HAVCR1: variants seen among roughly 807,000 people sequenced by gnomAD.
The protein encoded by HAVCR1 is T cell immunoglobin domain and mucin domain protein 1.
A neutral mutation model predicts 32.0 loss-of-function variants in HAVCR1; 34 were observed. That is an observed-to-expected ratio of 1.06 (90% CI 0.81 to 1.42). The LOEUF (loss-of-function observed/expected upper bound fraction) is 1.42. HAVCR1 is among the 40% of genes most tolerant of loss of function. The pLI, the probability that HAVCR1 is intolerant of heterozygous loss-of-function variation, is 0.00. For synonymous variants in HAVCR1, 178 were observed against 170.3 expected (o/e 1.05, Z -0.35); for missense variants, 420 against 442.3 (o/e 0.95, Z 0.45).
At chr5:157,058,436 G>T (rs564533001) in intron 1 of HAVCR1, 2 of 154,142 alleles carry the variant, frequency 1.3e-5, no homozygotes, top group Non-Finnish European at 2.9e-5. Context: ...GGTCACTGGC[G>T]CCTGTAGTCC....
In HAVCR1 at chr5:157,058,968, T is replaced by C. The variant is rs141453594; in HGVS notation, c.-60A>G. On this transcript the variant is annotated 5_prime_UTR_variant, in exon 1 of 9. Coordinates refer to ENST00000523175, the MANE Select transcript of HAVCR1 (RefSeq NM_001173393.3). The stretch of plus-strand genomic sequence containing the variant: ...TCACAATGCTGGGTAACCCTGAGAG[T>C]TCCTGAGTTCTCTTCAAACCTCTAT... The C allele has an allele frequency of 1.3e-5, 2 of 152,132 alleles. No homozygotes were observed. The highest frequency in any genetic ancestry group is 3.9e-4 in the East Asian group (2 of 5,180). 9.4% of individuals were successfully genotyped at this position (152,132 alleles called of 1,614,324 possible).
At chr5:157,058,781 T>C (rs1161710403) in intron 1 of HAVCR1, 140 bp downstream of exon 1, 1 of 152,234 alleles carries the variant, frequency 6.6e-6, no homozygotes, top group Non-Finnish European at 1.5e-5. Context: ...AAGTTTGCCA[T>C]TAGCAAGAGA....
chr5:157,065,170 T>C, the HAVCR1 span, among the ~76,000 whole-genome samples: 1 of 151,990 alleles, frequency 6.6e-6, no homozygotes, highest in Non-Finnish European at 1.5e-5. Context: ...ATACAAAAAA[T>C]TAGCCAGGCG....
intron 6 of HAVCR1, among the ~76,000 whole-genome samples, chr5:157,041,657 T>A (rs937886460): frequency 2.0e-5 from 3 of 152,216 alleles, no homozygotes; most frequent in African/African-American, 7.2e-5. Context: ...CACTTACATT[T>A]TACTTTTGTT....
At chr5:157,061,140 C>T (rs532890638), upstream of HAVCR1, among the ~76,000 whole-genome samples, 4 of 152,132 alleles carry the variant, frequency 2.6e-5, no homozygotes, top group South Asian at 4.1e-4. Context: ...TCAAGTGATA[C>T]GCTCATCTCA....
chr5:157,059,694 T>G (rs1756427621), upstream of HAVCR1, among the ~76,000 whole-genome samples: 1 of 151,716 alleles, frequency 6.6e-6, no homozygotes. Context: ...AAATAAAAAT[T>G]CATTTCTTGC....
chr5:157,032,078 T>C (rs368224202), intron 8 of HAVCR1, among the ~76,000 whole-genome samples: 1 of 152,180 alleles, frequency 6.6e-6, no homozygotes, highest in Non-Finnish European at 1.5e-5. Flanking sequence ...ATAGTCCCCA[T>C]GGTGTTTATC....
intron 7 of HAVCR1, among the ~76,000 whole-genome samples, chr5:157,035,753 G>C (rs1754487909): frequency 6.6e-6 from 1 of 151,634 alleles, no homozygotes. Flanking sequence ...GATGTCCACA[G>C]GTTTGGCATC....
chr5:157,030,749 A>T (rs1754125764), intron 8 of HAVCR1, among the ~76,000 whole-genome samples: 1 of 152,212 alleles, frequency 6.6e-6, no homozygotes, highest in African/African-American at 2.4e-5. Flanking sequence ...TTATTTTTAT[A>T]TATTTGTATA....
In HAVCR1 at chr5:157,055,565, G is replaced by T. The variant is rs746574417; in HGVS notation, c.47-32C>A. 34 of 1,329,932 alleles carry T rather than the reference G, an allele frequency of 2.6e-5. 1 individual carries two copies. The highest frequency in any genetic ancestry group is 3.1e-5 in the Non-Finnish European group (30 of 956,664). The allele number at this position is 1,329,932 out of a possible 1,614,324, so 82.4% of individuals were successfully genotyped here. On this transcript the variant is annotated intron_variant, in intron 2 of 8. Coordinates refer to ENST00000523175, the MANE Select transcript of HAVCR1 (RefSeq NM_001173393.3). Reference sequence around the variant, plus strand: ...AGAAGAAAAGACAAACTGAGAATGAGCCCTCACTATTTCATCTTGGCTGGG... The same window carrying T: ...AGAAGAAAAGACAAACTGAGAATGATCCCTCACTATTTCATCTTGGCTGGG...
upstream of HAVCR1, chr5:157,059,215 C>T (rs931069037): frequency 1.3e-5 from 2 of 152,246 alleles, no homozygotes; most frequent in African/African-American, 4.8e-5. Context: ...AATCATTAAA[C>T]CATACAAACA....
At chr5:157,057,817 C>A in intron 2 of HAVCR1, 81 bp downstream of exon 2, 1 of 993,326 alleles carries the variant, frequency 1.0e-6, no homozygotes, top group Non-Finnish European at 1.6e-6. Context: ...ACCACCATCC[C>A]CTCCCCTTCC....
intron 5 of HAVCR1, among the ~76,000 whole-genome samples, chr5:157,048,150 C>A (rs983498128): frequency 2.0e-5 from 3 of 152,096 alleles, no homozygotes; most frequent in Non-Finnish European, 4.4e-5. Flanking sequence ...CATGTAAATA[C>A]AAATTTGATG....
rs1377904446 is a variant in HAVCR1 at position 157,058,918 on chromosome 5, T to TA, written c.-13+2dup. 1.3e-5 allele frequency: 2 copies of TA among 152,224 alleles called. No homozygotes were observed. The highest frequency in any genetic ancestry group is 2.9e-5 in the Non-Finnish European group (2 of 68,036). The allele number at this position is 152,224 out of a possible 1,614,324, so 9.4% of individuals were successfully genotyped here. A position where few individuals can be genotyped will look rare whatever the true frequency, so the allele number is the denominator to read the frequency against. On this transcript the variant is annotated splice_region_variant and intron_variant, in intron 1 of 8. Transcript: ENST00000523175. Reference sequence around the variant, plus strand: ...AGGAAACAGAAGTCTGGAGCAGACTTACGTTCAGATCCAGGCTCTGTCACT... The same window carrying TA: ...AGGAAACAGAAGTCTGGAGCAGACTTAACGTTCAGATCCAGGCTCTGTCACT...
intron 5 of HAVCR1, among the ~76,000 whole-genome samples, chr5:157,046,157 G>A (rs1156489700): frequency 6.6e-6 from 1 of 152,140 alleles, no homozygotes; most frequent in South Asian, 2.1e-4. Flanking sequence ...CAGCTACCAG[G>A]AATGATTGGC....
chr5:157,040,646 C>G (rs1304167017), intron 6 of HAVCR1, among the ~76,000 whole-genome samples: 2 of 152,146 alleles, frequency 1.3e-5, no homozygotes, highest in African/African-American at 4.8e-5. Flanking sequence ...TGCCTGTAAT[C>G]CCAGCACTTG....
At chr5:157,052,197 T>C (rs143737205) in intron 4 of HAVCR1, among the ~76,000 whole-genome samples, 164 bp downstream of exon 4, 191 of 152,306 alleles carry the variant, frequency 1.3e-3, no homozygotes, top group African/African-American at 4.5e-3. Flanking sequence ...AAAAGACGCA[T>C]ACAACTTGGG....
Position 157,055,353 on chromosome 5 carries a change from C to T in HAVCR1, c.227G>A (p.Arg76His), listed in dbSNP as rs889977270. The T allele has an allele frequency of 1.9e-6, 3 of 1,613,476 alleles. No individual in the cohort carries two copies. The highest frequency in any genetic ancestry group is 2.5e-6 in the Non-Finnish European group (3 of 1,179,438). ...GTHVTYRKDT[R>H]YKLLGDLSRR... ...TGAAAGGTCCCCCAATAGCTTATAG[C>T]GTGTGTCCTTCCGATAGGTGACGTG... is the stretch of plus-strand genomic sequence containing the variant. The change falls in exon 3 of 9, where the codon CGC (arginine) becomes CAC (histidine). Residue 76 changes from arginine to histidine, a missense_variant. Arg to His is a conservative substitution (Grantham distance 29, BLOSUM62 0). Transcript: ENST00000523175.
chr5:157,069,166 A>G, the HAVCR1 span, among the ~76,000 whole-genome samples: 48 of 152,360 alleles, frequency 3.2e-4, no homozygotes, highest in South Asian at 5.6e-3. Flanking sequence ...TAAGGCCACT[A>G]TGGCAGTCCA....
Sources: gnomAD v4.1 joint callset for allele counts (sites outside exome capture counted in the v4.1 genomes callset) on GRCh38, gnomAD v4.1.1 for gene constraint, MANE v1.5 for transcripts, NCBI Gene and HGNC (gene_info 2026-07-23, HGNC 2026-07-21) for gene names.